The following PDE3B variants were observed in gnomAD, a reference collection of about 807,000 sequenced individuals.
PDE3B encodes the protein phosphodiesterase 3B, also known as cGMP-inhibited 3',5'-cyclic phosphodiesterase 3B.
A neutral mutation model predicts 116.8 loss-of-function variants in PDE3B; 66 were observed. The observed-to-expected ratio is 0.56, with a 90% CI of 0.46 to 0.69. PDE3B has a LOEUF of 0.69. Among genes scored for constraint, PDE3B ranks in the 30% least tolerant of loss-of-function variants. PDE3B has a pLI of 0.00. For synonymous variants in PDE3B, 595 were observed against 533.6 expected (o/e 1.12, Z -1.59); for missense variants, 1,384 against 1,368.1 (o/e 1.01, Z -0.18).
At chr11:14,819,250 A>G in intron 7 of PDE3B, 41 bp downstream of exon 7, 1 of 1,170,980 alleles carries the variant, frequency 8.5e-7, no homozygotes, top group African/African-American at 1.5e-5. Flanking sequence ...TTTAAGAGAA[A>G]TTTCTTACAA....
chr11:14,805,968 C>T (rs918779282), intron 5 of PDE3B, among the ~76,000 whole-genome samples: 1 of 152,090 alleles, frequency 6.6e-6, no homozygotes, highest in African/African-American at 2.4e-5. Flanking sequence ...GTTAGAATGG[C>T]GATCACTAAA....
At chr11:14,710,095 A>G (rs1855657392) in intron 1 of PDE3B, among the ~76,000 whole-genome samples, 1 of 152,210 alleles carries the variant, frequency 6.6e-6, no homozygotes, top group Non-Finnish European at 1.5e-5. Context: ...GAGCATACAT[A>G]CACCCTGGAG....
intron 1 of PDE3B, among the ~76,000 whole-genome samples, chr11:14,764,926 AC>A (rs1199033638): frequency 3.7e-5 from 5 of 134,742 alleles, no homozygotes; most frequent in African/African-American, 5.7e-5. Flanking sequence ...TTTCTTTGTT[AC>A]ATAGGGTTCA....
chr11:14,820,247 G>A (rs868779190), intron 7 of PDE3B, among the ~76,000 whole-genome samples: 1 of 95,700 alleles, frequency 1.0e-5, no homozygotes, highest in African/African-American at 3.6e-5. Flanking sequence ...TTTTTTTTTT[G>A]TATATCATTA....
intron 5 of PDE3B, among the ~76,000 whole-genome samples, chr11:14,812,637 A>T (rs1041804778): frequency 6.6e-6 from 1 of 152,234 alleles, no homozygotes; most frequent in Non-Finnish European, 1.5e-5. Flanking sequence ...ATGATAAAAA[A>T]TCTGAAGAGT....
intron 11 of PDE3B, among the ~76,000 whole-genome samples, chr11:14,836,962 C>T (rs1014151646): frequency 3.3e-5 from 5 of 152,308 alleles, no homozygotes; most frequent in African/African-American, 9.6e-5. Flanking sequence ...TACAGATGCA[C>T]GCTGCCATGC....
chr11:14,722,919 C>A (rs1856166813), intron 1 of PDE3B, among the ~76,000 whole-genome samples: 1 of 152,104 alleles, frequency 6.6e-6, no homozygotes, highest in Non-Finnish European at 1.5e-5. Context: ...TAAATAGATA[C>A]AGCTTTCTAA....
the PDE3B span, chr11:14,890,607 C>A: frequency 5.1e-6 from 1 of 196,554 alleles, no homozygotes; most frequent in East Asian, 2.6e-4. Flanking sequence ...AGTGCAGTGG[C>A]GCGATCTCGG....
the PDE3B span, chr11:14,880,230 G>A: frequency 3.1e-6 from 5 of 1,612,946 alleles, no homozygotes; most frequent in South Asian, 5.5e-5. Context: ...CACCCACTGA[G>A]AAAATTAGGT....
intron 7 of PDE3B, among the ~76,000 whole-genome samples, chr11:14,822,678 A>G (rs939543149): frequency 2.0e-5 from 3 of 152,196 alleles, no homozygotes; most frequent in Non-Finnish European, 4.4e-5. Context: ...GCTCAGGCAC[A>G]TGTGGAGCCC....
intron 2 of PDE3B, 193 bp downstream of exon 2, chr11:14,772,180 A>G (rs1162356558): frequency 3.3e-6 from 1 of 304,768 alleles, no homozygotes; most frequent in Non-Finnish European, 6.1e-6. Context: ...TTTTAATTAT[A>G]AGGGAAAAAG....
At chr11:14,885,957 T>C in the PDE3B span, 104 of 1,595,292 alleles carry the variant, frequency 6.5e-5, no homozygotes, top group African/African-American at 1.3e-3. Context: ...AATGACAGCA[T>C]GTATGGAGAA....
intron 7 of PDE3B, among the ~76,000 whole-genome samples, chr11:14,825,514 T>G (rs1859660899): frequency 6.6e-6 from 1 of 152,092 alleles, no homozygotes; most frequent in African/African-American, 2.4e-5. Flanking sequence ...AAACAGACTT[T>G]AAACCAACAA....
downstream of PDE3B, among the ~76,000 whole-genome samples, chr11:14,874,507 A>G (rs1848172030): frequency 6.6e-6 from 1 of 152,186 alleles, no homozygotes; most frequent in Admixed American, 6.5e-5. Context: ...CTATAGTTAT[A>G]CTATCTTTGG....
At chr11:14,743,620 C>G (rs1223163735) in intron 1 of PDE3B, among the ~76,000 whole-genome samples, 1 of 152,196 alleles carries the variant, frequency 6.6e-6, no homozygotes, top group Non-Finnish European at 1.5e-5. Context: ...AAAAGAAACT[C>G]CTGCAGCTAG....
chr11:14,771,793 GATA>G, intron 1 of PDE3B, 141 bp from the exon 2 acceptor site: 1 of 386,710 alleles, frequency 2.6e-6, no homozygotes. Context: ...ATTCTGTCGA[GATA>G]ATTTTTATTT....
At chr11:14,852,458 A>AAG (rs1446901588) in intron 12 of PDE3B, among the ~76,000 whole-genome samples, 3 of 152,254 alleles carry the variant, frequency 2.0e-5, no homozygotes, top group African/African-American at 7.2e-5. Flanking sequence ...CATGAAGATA[A>AAG]TTTAAAACAA....
chr11:14,865,980 G>C (rs1010565695), intron 14 of PDE3B, among the ~76,000 whole-genome samples: 20 of 152,104 alleles, frequency 1.3e-4, no homozygotes, highest in Non-Finnish European at 2.5e-4. Flanking sequence ...AGCCATGCCT[G>C]AGGTTGAATC....
intron 1 of PDE3B, among the ~76,000 whole-genome samples, chr11:14,653,340 A>G (rs1322879471): frequency 6.6e-6 from 1 of 152,240 alleles, no homozygotes; most frequent in African/African-American, 2.4e-5. Flanking sequence ...ATTCCTACAG[A>G]TAAAATCCCA....
Sources: gnomAD v4.1 joint callset for allele counts (sites outside exome capture counted in the v4.1 genomes callset) on GRCh38, gnomAD v4.1.1 for gene constraint, MANE v1.5 for transcripts, NCBI Gene and HGNC (gene_info 2026-07-23, HGNC 2026-07-21) for gene names.